The following PSMA1 variants were observed in gnomAD, a reference collection of about 807,000 sequenced individuals.
The protein encoded by PSMA1 is proteasome 20S subunit alpha 1.
Under a neutral mutation model 38.4 loss-of-function variants are expected in PSMA1, and 3 were observed. That is an observed-to-expected ratio of 0.08 (90% CI 0.04 to 0.20). The LOEUF is 0.20. PSMA1 is among the 10% of genes least tolerant of loss of function. The pLI is 1.00. For synonymous variants in PSMA1, 101 were observed against 107.1 expected (o/e 0.94, Z 0.35); for missense variants, 227 against 325.3 (o/e 0.70, Z 2.32).
intron 2 of PSMA1, among the ~76,000 whole-genome samples, chr11:14,536,477 A>C (rs778251778): frequency 2.6e-5 from 4 of 152,030 alleles, no homozygotes; most frequent in Non-Finnish European, 2.9e-5. Context: ...CAGTGAGCAG[A>C]GATCTTGCCA....
chr11:14,610,786 G>A, intron 2 of PSMA1: 1 of 593,834 alleles, frequency 1.7e-6, no homozygotes, highest in Non-Finnish European at 2.9e-6. Flanking sequence ...TGCTGGATTT[G>A]AGCATCTTCT....
intron 1 of PSMA1, among the ~76,000 whole-genome samples, chr11:14,632,565 G>T (rs1461089145): frequency 2.0e-5 from 3 of 150,880 alleles, no homozygotes; most frequent in Non-Finnish European, 2.9e-5. Flanking sequence ...TCCCTTTGAG[G>T]GTAACCCGAC....
intron 2 of PSMA1, among the ~76,000 whole-genome samples, chr11:14,594,894 T>C (rs1852466557): frequency 6.6e-6 from 1 of 152,200 alleles, no homozygotes; most frequent in South Asian, 2.1e-4. Context: ...ATTCTCCTAA[T>C]GCTATCCCTC....
intron 2 of PSMA1, among the ~76,000 whole-genome samples, chr11:14,547,961 T>C (rs1000642834): frequency 1.1e-4 from 17 of 151,598 alleles, no homozygotes; most frequent in African/African-American, 4.1e-4. Flanking sequence ...GAGGAGGAGA[T>C]GGAGATGAGC....
chr11:14,563,747 C>T (rs972546676), intron 2 of PSMA1, among the ~76,000 whole-genome samples: 1 of 152,214 alleles, frequency 6.6e-6, no homozygotes, highest in African/African-American at 2.4e-5. Context: ...GTTAGGAAGA[C>T]TTTGTTGTCT....
chr11:14,627,751 A>T (rs1250572622), intron 1 of PSMA1, among the ~76,000 whole-genome samples: 1 of 152,174 alleles, frequency 6.6e-6, no homozygotes, highest in Non-Finnish European at 1.5e-5. Context: ...TATCATTCTC[A>T]TACTTTATAT....
intron 2 of PSMA1, among the ~76,000 whole-genome samples, chr11:14,530,529 C>T (rs564776437): frequency 2.6e-5 from 4 of 152,208 alleles, no homozygotes; most frequent in South Asian, 2.1e-4. Context: ...AATCAGGAGC[C>T]GCTGGAGGAT....
intron 2 of PSMA1, among the ~76,000 whole-genome samples, chr11:14,549,471 G>A (rs1565042402): frequency 6.6e-6 from 1 of 152,116 alleles, no homozygotes; most frequent in Non-Finnish European, 1.5e-5. Context: ...GGAGGCCAAG[G>A]CAGGAGGATC....
chr11:14,531,205 GTGT>G (rs1431035077), intron 2 of PSMA1, among the ~76,000 whole-genome samples: 2 of 151,866 alleles, frequency 1.3e-5, no homozygotes, highest in Non-Finnish European at 2.9e-5. Flanking sequence ...GGTAGATTGC[GTGT>G]TGTTGAACTT....
intron 2 of PSMA1, among the ~76,000 whole-genome samples, chr11:14,589,885 A>C (rs1310263799): frequency 1.3e-5 from 2 of 152,218 alleles, no homozygotes; most frequent in Middle Eastern, 3.2e-3. Flanking sequence ...AGTAAACAAG[A>C]TTGAGCACTG....
Position 14,505,106 on chromosome 11 carries a change from T to C in PSMA1, c.*86A>G. ...TAGCATTCCACCACTCTGCAACTTT[T>C]GGTTCAAAGTATAGATTATTGTCAT... On this transcript the variant is annotated 3_prime_UTR_variant, in exon 10 of 10. Transcript: ENST00000396394. The C allele has an allele frequency of 4.0e-6, 5 of 1,254,056 alleles. No homozygotes were observed. The South Asian group carries it at 4.8e-5, about 12-fold the overall frequency. 77.7% of individuals were successfully genotyped at this position (1,254,056 alleles called of 1,614,324 possible).
chr11:14,540,942 G>T (rs1851766829), intron 2 of PSMA1, among the ~76,000 whole-genome samples: 1 of 151,914 alleles, frequency 6.6e-6, no homozygotes, highest in African/African-American at 2.4e-5. Context: ...CCTGTTGTGG[G>T]GTGGGGGGAG....
chr11:14,620,067 CGTGT>C (rs141933385), intron 1 of PSMA1, among the ~76,000 whole-genome samples: 5 of 149,550 alleles, frequency 3.3e-5, no homozygotes, highest in East Asian at 2.0e-4. Context: ...TGTGTGTGTG[CGTGT>C]GTGTGTGTGT....
chr11:14,592,542 C>T (rs1239918659), intron 2 of PSMA1, among the ~76,000 whole-genome samples: 1 of 152,010 alleles, frequency 6.6e-6, no homozygotes, highest in East Asian at 1.9e-4. Context: ...CCCGCCACCA[C>T]ACCCTGCTAA....
At chr11:14,569,163 T>A (rs1467331148) in intron 2 of PSMA1, among the ~76,000 whole-genome samples, 1 of 152,234 alleles carries the variant, frequency 6.6e-6, no homozygotes, top group African/African-American at 2.4e-5. Context: ...CACATTGTCA[T>A]CAGGCTGCAA....
At chr11:14,558,733 G>T (rs1342039041) in intron 2 of PSMA1, among the ~76,000 whole-genome samples, 1 of 152,222 alleles carries the variant, frequency 6.6e-6, no homozygotes, top group Non-Finnish European at 1.5e-5. Flanking sequence ...GGAGGGCCTG[G>T]TGTCTTAAAG....
rs142190783 is a variant in PSMA1, at chr11:14,532,957, T to C, written c.22-13916A>G. Among the ~76,000 whole-genome samples the C allele has an allele frequency of 2.5e-3, 381 of 152,260 alleles. 2 individuals carry two copies. The highest frequency in any genetic ancestry group is 8.7e-3 in the African/African-American group (361 of 41,550). Reference sequence around the variant, plus strand: ...AAAAAGACAATATGATAAATTACTATATTGTACTAGGTAGTGAAACTTACT... The same window carrying C: ...AAAAAGACAATATGATAAATTACTACATTGTACTAGGTAGTGAAACTTACT... On this transcript the variant is annotated intron_variant, in intron 2 of 10. Transcript: ENST00000418988.
At chr11:14,539,497 A>G (rs1370266499) in intron 2 of PSMA1, among the ~76,000 whole-genome samples, 1 of 152,200 alleles carries the variant, frequency 6.6e-6, no homozygotes, top group African/African-American at 2.4e-5. Flanking sequence ...AAAGGAAGAA[A>G]AAAATAATTT....
At chr11:14,506,023 A>C (rs936752801) in intron 9 of PSMA1, among the ~76,000 whole-genome samples, 7 of 152,108 alleles carry the variant, frequency 4.6e-5, no homozygotes, top group African/African-American at 1.7e-4. Context: ...AAAACAACAA[A>C]AAAGAAACTA....
Sources: allele counts gnomAD v4.1 joint callset (sites outside exome capture counted in the v4.1 genomes callset), GRCh38; gene constraint gnomAD v4.1.1; transcripts MANE v1.5; gene names NCBI Gene and HGNC (gene_info 2026-07-23, HGNC 2026-07-21).